ZZEF1: variants seen among roughly 807,000 people sequenced by gnomAD.
ZZEF1 encodes the protein zinc finger ZZ-type and EF-hand domain containing 1, also known as zinc finger ZZ-type and EF-hand domain-containing protein 1.
ZZEF1 carries 157 observed loss-of-function variants against 342.8 expected under a neutral mutation model. That is an observed-to-expected ratio of 0.46 (90% CI 0.40 to 0.52). ZZEF1 has a LOEUF of 0.52. Ranked by LOEUF, ZZEF1 falls within the 20% of genes least tolerant of loss-of-function variation. The pLI is 0.00. For missense variants in ZZEF1, 3,480 were observed against 3,725.6 expected (o/e 0.93, Z 1.72); for synonymous variants, 1,505 against 1,429.1 (o/e 1.05, Z -1.20).
intron 2 of ZZEF1, among the ~76,000 whole-genome samples, chr17:4,117,648 C>CAAAAAAAAAAAAAAAA (rs61155656): frequency 3.4e-5 from 3 of 89,050 alleles, no homozygotes; most frequent in African/African-American, 9.7e-5. Flanking sequence ...AACTCCACCT[C>CAAAAAAAAAAAAAAAA]AAAAAAAAAA....
chr17:4,064,778 C>T lies in ZZEF1; in HGVS notation c.4301G>A (p.Gly1434Asp), dbSNP rs751595594. Reference protein sequence around the residue: ...SLLLLKFLPTGISSKESCEKL... With the variant: ...SLLLLKFLPTDISSKESCEKL... Reference sequence around the variant, plus strand: ...TTCGCAGCTTTCTTTTGAACTTATGCCCGTGGGCAGAAATTTTAGTAATAG... The same window carrying T: ...TTCGCAGCTTTCTTTTGAACTTATGTCCGTGGGCAGAAATTTTAGTAATAG... Residue 1434 changes from glycine to aspartate, a missense_variant, in exon 29 of 55, where the codon GGC becomes GAC. Physicochemically the swap from Gly to Asp is moderately conservative, Grantham distance 94 (BLOSUM62 -1). This residue lies in a region of ZZEF1 where 1,528 missense variants were observed against 1,624.1 expected (regional missense o/e 0.94). Transcript: ENST00000381638. 6.2e-7 allele frequency: 1 copy of T among 1,610,796 alleles called. No homozygotes were observed. The highest frequency in any genetic ancestry group is 8.5e-7 in the Non-Finnish European group (1 of 1,178,736).
Position 4,072,630 on chromosome 17 carries a change from T to TA in ZZEF1, c.3811_3812insT (p.His1271LeufsTer6). ...TACCTCCTTACTATTCCGGTGTGGG[T>TA]GAGTGGGCCAGCTTGCTTCTAATTC... On this transcript the variant is annotated frameshift_variant, in exon 25 of 55. Transcript: ENST00000381638. LOFTEE classifies it high-confidence loss of function. The TA allele has an allele frequency of 1.2e-6, 2 of 1,613,214 alleles. No individual in the cohort carries two copies. The highest frequency in any genetic ancestry group is 1.7e-6 in the Non-Finnish European group (2 of 1,179,518).
At chr17:4,119,699 A>G (rs2058453316) in intron 2 of ZZEF1, among the ~76,000 whole-genome samples, 1 of 152,192 alleles carries the variant, frequency 6.6e-6, no homozygotes, top group Non-Finnish European at 1.5e-5. Context: ...ACCCAGGGCA[A>G]TCTTGGAAGA....
chr17:4,128,367 AAAG>A (rs1228603370), intron 1 of ZZEF1, among the ~76,000 whole-genome samples: 4 of 150,664 alleles, frequency 2.7e-5, no homozygotes, highest in South Asian at 4.2e-4. Context: ...AAAAAAAAAA[AAAG>A]ACAACTAGGA....
chr17:4,031,936 G>C (rs573230418), intron 42 of ZZEF1, among the ~76,000 whole-genome samples, 190 bp downstream of exon 42: 1 of 152,084 alleles, frequency 6.6e-6, no homozygotes, highest in South Asian at 2.1e-4. Flanking sequence ...GCATGGAAAG[G>C]GGCCTTTGAA....
chr17:4,010,137 A>C (rs900299251), intron 52 of ZZEF1, among the ~76,000 whole-genome samples: 1 of 151,836 alleles, frequency 6.6e-6, no homozygotes, highest in African/African-American at 2.4e-5. Flanking sequence ...CAACCTGGGA[A>C]ATAAAGCGAG....
chr17:4,129,011 C>T (rs902235370), intron 1 of ZZEF1, among the ~76,000 whole-genome samples: 1 of 151,926 alleles, frequency 6.6e-6, no homozygotes, highest in East Asian at 1.9e-4. Context: ...TTGTGATCTG[C>T]CCACCTCGGC....
chr17:4,092,174 CT>C (rs1314872209), intron 11 of ZZEF1, among the ~76,000 whole-genome samples: 6 of 151,724 alleles, frequency 4.0e-5, no homozygotes, highest in African/African-American at 1.5e-4. Flanking sequence ...ACTATTCAGT[CT>C]GTGATATATA....
intron 16 of ZZEF1, among the ~76,000 whole-genome samples, chr17:4,084,117 G>A (rs930304710): frequency 3.9e-5 from 6 of 152,132 alleles, no homozygotes; most frequent in East Asian, 1.9e-4. Flanking sequence ...GTCTTATTCC[G>A]CATTTTGAGA....
intron 11 of ZZEF1, among the ~76,000 whole-genome samples, chr17:4,091,412 C>T (rs1039781796): frequency 4.6e-5 from 7 of 152,218 alleles, no homozygotes; most frequent in Admixed American, 6.5e-5. Context: ...GATGTCTTCT[C>T]TTCTTTTTAA....
chr17:4,010,463 G>A (rs2055917540), intron 52 of ZZEF1, among the ~76,000 whole-genome samples: 2 of 152,020 alleles, frequency 1.3e-5, no homozygotes, highest in South Asian at 2.1e-4. Context: ...GCTCACGCCT[G>A]TAATCCCAGC....
chr17:4,094,471 G>A (rs1024011111), intron 11 of ZZEF1, among the ~76,000 whole-genome samples: 7 of 151,970 alleles, frequency 4.6e-5, no homozygotes, highest in Non-Finnish European at 2.9e-5. Context: ...TTAAATTATC[G>A]TTTAAATGCC....
chr17:4,092,959 CAA>C (rs111253238), intron 11 of ZZEF1, among the ~76,000 whole-genome samples: 32 of 97,106 alleles, frequency 3.3e-4, no homozygotes, highest in Non-Finnish European at 3.5e-4. Context: ...AGGACATGAC[CAA>C]AAAAAAAAAA....
chr17:4,112,197 G>A (rs2058323799), intron 5 of ZZEF1, among the ~76,000 whole-genome samples: 1 of 150,346 alleles, frequency 6.7e-6, no homozygotes, highest in South Asian at 2.1e-4. Context: ...CCAGGCTGGA[G>A]TGCAGTGGTG....
At chr17:4,058,869 G>A (rs375639884) in intron 31 of ZZEF1, among the ~76,000 whole-genome samples, 10 of 152,152 alleles carry the variant, frequency 6.6e-5, no homozygotes, top group African/African-American at 1.9e-4. Context: ...GCATGAGGCC[G>A]TCTCAAAACA....
intron 40 of ZZEF1, chr17:4,033,806 C>T: frequency 1.6e-6 from 1 of 622,434 alleles, no homozygotes; most frequent in Non-Finnish European, 2.8e-6. Context: ...AGTGTCGAGA[C>T]TGCTCAGCTG....
At chr17:4,077,189 T>C (rs2057639564) in intron 19 of ZZEF1, among the ~76,000 whole-genome samples, 200 bp from the exon 20 acceptor site, 1 of 134,496 alleles carries the variant, frequency 7.4e-6, no homozygotes, top group Non-Finnish European at 1.6e-5. Context: ...GACTCACTTT[T>C]AAAGGGATTT....
chr17:4,116,863 T>A, intron 3 of ZZEF1, 109 bp downstream of exon 3: 1 of 1,162,828 alleles, frequency 8.6e-7, no homozygotes, highest in Non-Finnish European at 1.2e-6. Context: ...AACTCATGAC[T>A]CTGTATTTTC....
intron 26 of ZZEF1, 61 bp from the exon 27 acceptor site, chr17:4,067,303 T>G: frequency 7.3e-7 from 1 of 1,376,614 alleles, no homozygotes; most frequent in East Asian, 2.4e-5. Flanking sequence ...ACTGCAACAT[T>G]AAGCACAAAA....
Sources: allele counts gnomAD v4.1 joint callset (sites outside exome capture counted in the v4.1 genomes callset), GRCh38; gene constraint gnomAD v4.1.1; regional missense constraint gnomAD v4.1.1; transcripts MANE v1.5; gene names NCBI Gene and HGNC (gene_info 2026-07-23, HGNC 2026-07-21).